The following GAB1 variants were observed in gnomAD, a reference collection of about 807,000 sequenced individuals.
GAB1 encodes GRB2 associated binding protein 1, also known as GRB2-associated-binding protein 1.
A neutral mutation model predicts 66.5 loss-of-function variants in GAB1; 19 were observed. That is an observed-to-expected ratio of 0.29 (90% CI 0.20 to 0.42). The LOEUF (loss-of-function observed/expected upper bound fraction) is 0.42. Ranked by LOEUF, GAB1 falls within the 10% of genes least tolerant of loss-of-function variation. The pLI, the probability that GAB1 is intolerant of heterozygous loss-of-function variation, is 1.00. For missense variants in GAB1, 732 were observed against 858.5 expected (o/e 0.85, Z 1.84); for synonymous variants, 294 against 301.4 (o/e 0.98, Z 0.25).
In GAB1 at chr4:143,440,320, C is replaced by T. The variant is rs1461246835; in HGVS notation, c.1523C>T (p.Pro508Leu). ...RSSPKTPPRR[P>L]VPVADCEPPP... ...AGCCCAAAAACCCCTCCCAGAAGGC[C>T]AGTTCCTGTTGCAGACTGTGAACCA... Residue 508 changes from proline to leucine, a missense_variant, in exon 6 of 10, where the codon CCA (proline) becomes CTA (leucine). Pro to Leu is a moderately conservative substitution (Grantham distance 98). Coordinates refer to ENST00000262994, the MANE Select transcript of GAB1 (RefSeq NM_002039.4). 1 of 1,614,108 alleles carries T rather than the reference C, an allele frequency of 6.2e-7. No individual in the cohort carries two copies. The highest frequency in any genetic ancestry group is 8.5e-7 in the Non-Finnish European group (1 of 1,180,000).
intron 1 of GAB1, chr4:143,376,949 T>C (rs1730446392): frequency 6.6e-6 from 1 of 152,170 alleles, no homozygotes; most frequent in African/African-American, 2.4e-5. Flanking sequence ...TTTTCAAATA[T>C]TCTACTGGAA....
At chr4:143,391,679 C>T (rs1731195031) in intron 1 of GAB1, 1 of 152,004 alleles carries the variant, frequency 6.6e-6, no homozygotes, top group Non-Finnish European at 1.5e-5. Context: ...AAACTTTGTC[C>T]CACGTAAAGA....
intron 1 of GAB1, among the ~76,000 whole-genome samples, chr4:143,362,361 G>T (rs1217613083): frequency 6.6e-6 from 1 of 152,168 alleles, no homozygotes; most frequent in East Asian, 1.9e-4. Context: ...CTGCAAGAAA[G>T]AATTCGAGAC....
chr4:143,363,596 G>A (rs778468635), intron 1 of GAB1, among the ~76,000 whole-genome samples: 8 of 152,274 alleles, frequency 5.3e-5, no homozygotes, highest in Non-Finnish European at 8.8e-5. Flanking sequence ...CCATTGGAGT[G>A]GATGGCCAAG....
At chr4:143,425,503 C>A (rs1050996941) in intron 2 of GAB1, 4 of 761,854 alleles carry the variant, frequency 5.3e-6, no homozygotes, top group Non-Finnish European at 9.6e-6. Flanking sequence ...ACAGATTCTC[C>A]TCTGTGCCAT....
chr4:143,373,649 C>A (rs538514058), intron 1 of GAB1, among the ~76,000 whole-genome samples: 1 of 151,746 alleles, frequency 6.6e-6, no homozygotes, highest in South Asian at 2.1e-4. Context: ...GGCAACATGG[C>A]AAAAATGCAA....
chr4:143,399,781 T>A (rs553123720), intron 1 of GAB1, among the ~76,000 whole-genome samples: 3 of 152,318 alleles, frequency 2.0e-5, no homozygotes, highest in Admixed American at 2.0e-4. Flanking sequence ...TTAAAATTCA[T>A]TGTCATAGTA....
intron 1 of GAB1, among the ~76,000 whole-genome samples, chr4:143,373,864 A>ATATATATATATATAT (rs1553945752): frequency 2.0e-5 from 1 of 50,798 alleles, no homozygotes; most frequent in Non-Finnish European, 4.0e-5. Context: ...TCTGTAAATA[A>ATATATATATATATAT]ATAAATATAT....
intron 1 of GAB1, among the ~76,000 whole-genome samples, chr4:143,400,094 C>G (rs1016454096): frequency 6.6e-6 from 1 of 152,106 alleles, no homozygotes; most frequent in Admixed American, 6.5e-5. Context: ...GTGTGCACCA[C>G]CATGCCTGGC....
chr4:143,468,208 C>CTTTTTTT (rs780138131), intron 9 of GAB1, among the ~76,000 whole-genome samples: 12 of 70,048 alleles, frequency 1.7e-4, no homozygotes, highest in Non-Finnish European at 2.3e-4. Flanking sequence ...AGTTTGAATT[C>CTTTTTTT]TTTTTTTTTT....
intron 2 of GAB1, among the ~76,000 whole-genome samples, chr4:143,421,646 CAG>C (rs1344393591): frequency 6.6e-6 from 1 of 150,440 alleles, no homozygotes; most frequent in Non-Finnish European, 1.5e-5. Flanking sequence ...CCAATTCAAC[CAG>C]AGAGTTTTTA....
chr4:143,362,698 T>C (rs1007170841), intron 1 of GAB1, among the ~76,000 whole-genome samples: 4 of 152,224 alleles, frequency 2.6e-5, no homozygotes, highest in Non-Finnish European at 4.4e-5. Context: ...TGACCAGAGC[T>C]CACTTTCATA....
intron 1 of GAB1, among the ~76,000 whole-genome samples, chr4:143,389,981 A>T (rs965543588): frequency 2.0e-5 from 3 of 152,214 alleles, no homozygotes; most frequent in Non-Finnish European, 4.4e-5. Flanking sequence ...GTGTGTCCTC[A>T]TATTACTAAA....
chr4:143,382,003 C>T (rs1730676795), intron 1 of GAB1: 1 of 152,220 alleles, frequency 6.6e-6, no homozygotes, highest in South Asian at 2.1e-4. Flanking sequence ...TACAGAGAAG[C>T]TGCCTTTTTA....
chr4:143,373,864 A>ATATATATATATATATATATATATAT (rs1553945752), intron 1 of GAB1, among the ~76,000 whole-genome samples: 6 of 50,802 alleles, frequency 1.2e-4, no homozygotes, highest in East Asian at 3.3e-4. Flanking sequence ...TCTGTAAATA[A>ATATATATATATATATATATATATAT]ATAAATATAT....
intron 2 of GAB1, among the ~76,000 whole-genome samples, chr4:143,423,559 G>A (rs759692930): frequency 7.3e-5 from 11 of 151,260 alleles, no homozygotes; most frequent in Admixed American, 4.6e-4. Flanking sequence ...TTAGCCAGGC[G>A]TTGGTGGTAG....
At chr4:143,346,869 G>C (rs1019018159) in intron 1 of GAB1, among the ~76,000 whole-genome samples, 5 of 152,192 alleles carry the variant, frequency 3.3e-5, no homozygotes, top group African/African-American at 1.2e-4. Flanking sequence ...TCTTTGCTGG[G>C]TATGTAGGTC....
At chr4:143,362,164 G>A (rs972418073) in intron 1 of GAB1, among the ~76,000 whole-genome samples, 32 of 152,212 alleles carry the variant, frequency 2.1e-4, no homozygotes, top group African/African-American at 7.7e-4. Flanking sequence ...TACTGGAGGT[G>A]GAGGTGGAAG....
chr4:143,371,122 A>G (rs1374141587), intron 1 of GAB1, among the ~76,000 whole-genome samples: 3 of 152,134 alleles, frequency 2.0e-5, no homozygotes, highest in Non-Finnish European at 2.9e-5. Flanking sequence ...AGGAATCGCC[A>G]CACTGACTTC....
Sources: allele counts gnomAD v4.1 joint callset (sites outside exome capture counted in the v4.1 genomes callset), GRCh38; gene constraint gnomAD v4.1.1; transcripts MANE v1.5; gene names NCBI Gene and HGNC (gene_info 2026-07-23, HGNC 2026-07-21).